The following PCDHGB1 variants were observed in gnomAD, a reference collection of about 807,000 sequenced individuals.
PCDHGB1 encodes the protein protocadherin gamma subfamily B, 1, also known as protocadherin gamma-B1.
In PCDHGB1, 34 loss-of-function variants were observed where a neutral mutation model predicts 56.6. The ratio of observed to expected loss-of-function variants is 0.60; its 90% CI spans 0.46 to 0.80. The LOEUF (loss-of-function observed/expected upper bound fraction) is 0.80. PCDHGB1 is among the 30% of genes least tolerant of loss of function. PCDHGB1 has a pLI of 0.00. For synonymous variants in PCDHGB1, 561 were observed against 505.9 expected (o/e 1.11, Z -1.46); for missense variants, 1,278 against 1,204.6 (o/e 1.06, Z -0.90).
At chr5:141,417,602 C>T (rs556223277) in intron 1 of PCDHGB1, 2 of 510,170 alleles carry the variant, frequency 3.9e-6, no homozygotes, top group Admixed American at 3.8e-5. Context: ...TGGGCGCCGC[C>T]GTCGGCCAGT....
At chr5:141,387,099 T>C (rs997819435) in intron 1 of PCDHGB1, among the ~76,000 whole-genome samples, 3 of 152,210 alleles carry the variant, frequency 2.0e-5, no homozygotes, top group Admixed American at 1.3e-4. Context: ...GAAATGAGAA[T>C]CACATAATAT....
chr5:141,362,462 C>T (rs928339926), intron 1 of PCDHGB1: 6 of 1,614,032 alleles, frequency 3.7e-6, no homozygotes, highest in Non-Finnish European at 5.1e-6. Flanking sequence ...GAATTGGTTC[C>T]CGCGCAAGAT....
At chr5:141,415,045 G>A (rs2095819214) in intron 1 of PCDHGB1, 23 of 1,613,538 alleles carry the variant, frequency 1.4e-5, no homozygotes, top group Non-Finnish European at 1.8e-5. Flanking sequence ...CTTCGCGGTG[G>A]GGGAGCACAC....
intron 1 of PCDHGB1, chr5:141,393,206 A>C (rs774279389): frequency 1.2e-6 from 2 of 1,613,470 alleles, no homozygotes; most frequent in African/African-American, 1.3e-5. Context: ...ATAATAACCC[A>C]AAATTCCAGG....
At chr5:141,372,414 G>C (rs1290805149) in intron 1 of PCDHGB1, 1 of 1,613,910 alleles carries the variant, frequency 6.2e-7, no homozygotes, top group African/African-American at 1.3e-5. Flanking sequence ...GATACAACCT[G>C]ACCTTAGCGA....
At chr5:141,459,814 T>A (rs757306281) in intron 1 of PCDHGB1, among the ~76,000 whole-genome samples, 2 of 152,256 alleles carry the variant, frequency 1.3e-5, no homozygotes, top group African/African-American at 4.8e-5. Context: ...CTAGAGACAC[T>A]GAGCAACTTT....
rs371499368 is a variant in PCDHGB1 at position 141,414,269 on chromosome 5, C to T, written c.2409+61600C>T. The stretch of plus-strand genomic sequence containing the variant: ...TTTAGTCCAGTGACTGAAGATTCAC[C>T]TCTGGGAACAGTCGTAGCCCTTTTA... On this transcript the variant is annotated intron_variant, in intron 1 of 3. Coordinates refer to ENST00000523390, the MANE Select transcript of PCDHGB1 (RefSeq NM_018922.3). 8.1e-6 allele frequency: 13 copies of T among 1,613,266 alleles called. No homozygotes were observed. The African/African-American group carries it at 1.6e-4, about 20-fold the overall frequency.
At position 141,431,387 on chromosome 5, in the gene PCDHGB1, C is replaced by T; in HGVS notation, c.2410-63420C>T. The T allele has an allele frequency of 1.9e-6, 3 of 1,613,938 alleles. 1 individual carries two copies. The South Asian group carries it at 3.3e-5, about 18-fold the overall frequency. Reference sequence around the variant, plus strand: ...CCGCGAAGAAAAGGCTGCTCACCACCTGGTCCTTACGGCCTCCGACGGGGG... The same window carrying T: ...CCGCGAAGAAAAGGCTGCTCACCACTTGGTCCTTACGGCCTCCGACGGGGG... On this transcript the variant is annotated intron_variant, in intron 1 of 3. Coordinates refer to ENST00000523390, the MANE Select transcript of PCDHGB1 (RefSeq NM_018922.3). This position sits in a 1 kb window ranked among gnomAD's most constrained non-coding sequence, Gnocchi z 4.8.
intron 1 of PCDHGB1, chr5:141,422,174 A>G (rs763681065): frequency 5.1e-6 from 8 of 1,564,176 alleles, no homozygotes; most frequent in African/African-American, 2.8e-5. Flanking sequence ...TATAGATTCT[A>G]TGAGATGGAA....
intron 1 of PCDHGB1, chr5:141,395,534 G>T: frequency 8.7e-6 from 3 of 344,098 alleles, no homozygotes; most frequent in East Asian, 5.8e-5. Context: ...TGGTAATTTT[G>T]CTATTGTTTG....
chr5:141,408,609 AG>A, intron 1 of PCDHGB1: 3 of 1,614,088 alleles, frequency 1.9e-6, no homozygotes, highest in Non-Finnish European at 1.7e-6. Context: ...TTTGATAAAA[AG>A]GAAATACATT....
rs1053018756 is a variant in PCDHGB1, at chr5:141,497,630, G to T, written c.2468+2765G>T. ...TCTTGGCTCACTGCAACCTCTGCCT[G>T]CCAGGTTCAAGCGATTCTCCTGCCT... is the stretch of plus-strand genomic sequence containing the variant. On this transcript the variant is annotated intron_variant, in intron 2 of 3. Coordinates refer to ENST00000523390, the MANE Select transcript of PCDHGB1 (RefSeq NM_018922.3). 3.3e-5 allele frequency among the ~76,000 whole-genome samples: 5 copies of T among 150,256 alleles called. No homozygotes were observed. The Admixed American group carries it at 3.3e-4, about 10-fold the overall frequency.
Position 141,505,388 on chromosome 5 carries a change from C to T in PCDHGB1, c.2469-5C>T, listed in dbSNP as rs756505223. ...TCTGTGCTCACCATCCTACTCTCTCCCCAGCTCCCAAAATGGCGATGACAC... is the reference window on the plus strand; with the variant it reads ...TCTGTGCTCACCATCCTACTCTCTCTCCAGCTCCCAAAATGGCGATGACAC... On this transcript the variant is annotated splice_polypyrimidine_tract_variant and splice_region_variant and intron_variant, in intron 2 of 3. Transcript: ENST00000523390. The T allele has an allele frequency of 6.2e-7, 1 of 1,613,972 alleles. No homozygotes were observed. The highest frequency in any genetic ancestry group is 2.2e-5 in the East Asian group (1 of 44,886).
intron 1 of PCDHGB1, among the ~76,000 whole-genome samples, chr5:141,437,573 G>A (rs923321760): frequency 1.3e-5 from 2 of 152,164 alleles, no homozygotes; most frequent in African/African-American, 4.8e-5. Flanking sequence ...GAGTATAGCT[G>A]TGATCATGAA....
At chr5:141,365,534 T>C (rs761287174) in intron 1 of PCDHGB1, 1 of 1,613,758 alleles carries the variant, frequency 6.2e-7, no homozygotes, top group Non-Finnish European at 8.5e-7. Flanking sequence ...TGATAATTAC[T>C]ATCACCTATT....
At chr5:141,400,769 T>C (rs2094071773) in intron 1 of PCDHGB1, 2 of 575,796 alleles carry the variant, frequency 3.5e-6, no homozygotes, top group Admixed American at 3.4e-5. Flanking sequence ...GCAAAAACAT[T>C]TGGTGCGTTT....
At position 141,494,852 on chromosome 5, in the gene PCDHGB1, C is replaced by T. The variant is rs755464933; in HGVS notation, c.2455C>T (p.Pro819Ser). ...TDWRFSQAQR[P>S]GTSGSQNGDD... is the part of the protein sequence containing the mutation. Reference sequence around the variant, plus strand: ...CTGGCGTTTCTCTCAGGCCCAGAGACCCGGCACCAGCGGGTAGGTGACTGA... The same window carrying T: ...CTGGCGTTTCTCTCAGGCCCAGAGATCCGGCACCAGCGGGTAGGTGACTGA... The change falls in exon 2 of 4, where the codon CCC (proline) becomes TCC (serine). Residue 819 changes from proline (P) to serine (S), a missense_variant. Coordinates refer to ENST00000523390, the MANE Select transcript of PCDHGB1 (RefSeq NM_018922.3). 6 of 1,614,042 alleles carry T rather than the reference C, an allele frequency of 3.7e-6. No homozygotes were observed. Among genetic ancestry groups the T allele is most frequent in the Admixed American group, 1.7e-5 (1 of 60,000 alleles).
chr5:141,500,498 C>T (rs1487770160), intron 2 of PCDHGB1, among the ~76,000 whole-genome samples: 5 of 152,120 alleles, frequency 3.3e-5, no homozygotes, highest in African/African-American at 7.2e-5. Context: ...CGTGAGCCAC[C>T]GCGCCTGGCC....
intron 1 of PCDHGB1, chr5:141,412,510 T>G (rs1007512416): frequency 6.6e-6 from 1 of 152,204 alleles, no homozygotes; most frequent in Non-Finnish European, 1.5e-5. Flanking sequence ...ATAAGTTTAA[T>G]GAATTAAGTA....
Sources: allele counts gnomAD v4.1 joint callset (sites outside exome capture counted in the v4.1 genomes callset), GRCh38; gene constraint gnomAD v4.1.1; non-coding constraint Gnocchi (gnomAD v3.1); transcripts MANE v1.5; gene names NCBI Gene and HGNC (gene_info 2026-07-23, HGNC 2026-07-21).